Variants in APLF observed in about 807,000 individuals in gnomAD.
The protein encoded by APLF is aprataxin and PNKP like factor.
APLF carries 61 observed loss-of-function variants against 55.6 expected under a neutral mutation model. That is an observed-to-expected ratio of 1.10 (90% CI 0.89 to 1.36). The LOEUF (loss-of-function observed/expected upper bound fraction) is 1.36. Among genes scored for constraint, APLF ranks in the 40% most tolerant of loss-of-function variants. The probability of loss-of-function intolerance (pLI) is 0.00; values close to 1 mark genes in which losing one functional copy is unlikely to be tolerated. For synonymous variants in APLF, 207 were observed against 214.8 expected (o/e 0.96, Z 0.32); for missense variants, 611 against 602.5 (o/e 1.01, Z -0.15).
chr2:68,516,437 T>C (rs1669580686), intron 5 of APLF, among the ~76,000 whole-genome samples: 1 of 151,354 alleles, frequency 6.6e-6, no homozygotes, highest in African/African-American at 2.4e-5. Flanking sequence ...ATCACTATTA[T>C]ATATATATTT....
intron 5 of APLF, among the ~76,000 whole-genome samples, chr2:68,514,795 TTTATAGA>T (rs1446316637): frequency 1.3e-5 from 2 of 151,934 alleles, no homozygotes; most frequent in East Asian, 1.9e-4. Context: ...GTTCACAAAC[TTTATAGA>T]TTATAGTTAA....
intron 5 of APLF, among the ~76,000 whole-genome samples, chr2:68,525,264 C>G (rs1670003363): frequency 1.3e-5 from 2 of 151,626 alleles, no homozygotes; most frequent in African/African-American, 4.9e-5. Flanking sequence ...CCACTGCACT[C>G]CAGCCTGGGT....
chr2:68,476,352 G>A (rs903884781), intron 1 of APLF, among the ~76,000 whole-genome samples: 9 of 151,844 alleles, frequency 5.9e-5, no homozygotes, highest in African/African-American at 1.7e-4. Flanking sequence ...CTGTGGTGGT[G>A]CACACCTGTA....
chr2:68,533,190 C>T (rs1044911082), intron 6 of APLF, among the ~76,000 whole-genome samples: 2 of 152,168 alleles, frequency 1.3e-5, no homozygotes, highest in African/African-American at 2.4e-5. Context: ...AGTAAGGAGC[C>T]TCACACCAGA....
rs557811110 is a variant in APLF, at chr2:68,512,359, T to G, written c.342-721T>G. The stretch of plus-strand genomic sequence containing the variant: ...AAATGCCTTTGGGATTCATCTATAT[T>G]CTTGCACACATCAGTAGTTCATTCC... On this transcript the variant is annotated intron_variant, in intron 3 of 9. Transcript: ENST00000303795. 3.3e-5 allele frequency among the ~76,000 whole-genome samples: 5 copies of G among 151,910 alleles called. No individual in the cohort carries two copies. The Middle Eastern group carries it at 0.01, about 310-fold the overall frequency.
chr2:68,483,560 G>A (rs1185790922), intron 1 of APLF, among the ~76,000 whole-genome samples: 1 of 152,014 alleles, frequency 6.6e-6, no homozygotes, highest in African/African-American at 2.4e-5. Context: ...CACGCATTGG[G>A]CACCTCTAGT....
At chr2:68,479,958 C>T (rs938949953) in intron 1 of APLF, among the ~76,000 whole-genome samples, 8 of 152,110 alleles carry the variant, frequency 5.3e-5, no homozygotes, top group African/African-American at 1.9e-4. Flanking sequence ...CATATATTTT[C>T]TCTTCCTTAC....
At position 68,521,375 on chromosome 2, in the gene APLF, A is replaced by G. The variant is rs189698638; in HGVS notation, c.623-4686A>G. 2.0e-4 allele frequency among the ~76,000 whole-genome samples: 30 copies of G among 151,930 alleles called. No individual in the cohort carries two copies. The East Asian group carries it at 5.8e-3, about 29-fold the overall frequency. ...TTTCTCTTGTCTGATTACTCTGGCT[A>G]GGAATTCCAGTGCTATGATGAATAG... On this transcript the variant is annotated intron_variant, in intron 5 of 9. Transcript: ENST00000303795.
intron 6 of APLF, among the ~76,000 whole-genome samples, chr2:68,528,077 C>T (rs1302862022): frequency 6.6e-5 from 10 of 151,994 alleles, no homozygotes; most frequent in African/African-American, 1.9e-4. Context: ...CAAGCAGAGG[C>T]GCTCCTCACT....
intron 3 of APLF, among the ~76,000 whole-genome samples, chr2:68,507,861 T>G (rs147337511): frequency 2.0e-3 from 311 of 151,938 alleles, no homozygotes; most frequent in African/African-American, 6.9e-3. Flanking sequence ...GTAAAGTAAA[T>G]CCTTTGTTAT....
chr2:68,527,809 C>G, intron 6 of APLF, among the ~76,000 whole-genome samples: 1 of 150,372 alleles, frequency 6.7e-6, no homozygotes, highest in Middle Eastern at 3.7e-3. Context: ...CTCCTCACTG[C>G]CCAGATGGTG....
rs556782864 is a variant in APLF at position 68,495,648 on chromosome 2, C to T, written c.168+5387C>T. Among the ~76,000 whole-genome samples, 7 of 152,374 alleles carry T rather than the reference C, an allele frequency of 4.6e-5. No individual in the cohort carries two copies. In the South Asian group the frequency reaches 1.4e-3, roughly 32 times the overall value. ...AGTGGGGACTCTGTGTGGGACCTCC[C>T]ATCCCACATTTATTCTCTGCACTGC... is the stretch of plus-strand genomic sequence containing the variant. On this transcript the variant is annotated intron_variant, in intron 2 of 9. Transcript: ENST00000303795.
chr2:68,567,734 T>G (rs536402537), intron 9 of APLF, among the ~76,000 whole-genome samples: 3 of 152,234 alleles, frequency 2.0e-5, no homozygotes, highest in African/African-American at 7.2e-5. Flanking sequence ...TATATTGCTT[T>G]GGCTCATTAA....
chr2:68,543,803 CATATAA>C lies in APLF; in HGVS notation c.1161-1376_1161-1371del, dbSNP rs569292377. On this transcript the variant is annotated intron_variant, in intron 7 of 9. Coordinates refer to ENST00000303795, the MANE Select transcript of APLF (RefSeq NM_173545.3). ...GCTACATGTAACAACATGAATTAAT[CATATAA>C]ATATAAAAGGGCTGGTTCAAAGAAG... 2.8e-3 allele frequency among the ~76,000 whole-genome samples: 423 copies of C among 152,168 alleles called. 3 individuals are homozygous for C. Among genetic ancestry groups the C allele is most frequent in the Non-Finnish European group, 4.4e-3 (296 of 67,980 alleles).
intron 7 of APLF, among the ~76,000 whole-genome samples, chr2:68,539,525 T>G (rs1338692339): frequency 6.6e-6 from 1 of 152,190 alleles, no homozygotes; most frequent in Admixed American, 6.5e-5. Flanking sequence ...ATGACCTCGT[T>G]TAACCTTAAT....
intron 8 of APLF, among the ~76,000 whole-genome samples, chr2:68,555,908 T>G (rs1670995633): frequency 6.6e-6 from 1 of 152,186 alleles, no homozygotes. Context: ...CACACGCATG[T>G]TTATAGCAGC....
chr2:68,525,651 G>A (rs1373374940), intron 5 of APLF, among the ~76,000 whole-genome samples: 3 of 151,318 alleles, frequency 2.0e-5, no homozygotes, highest in Non-Finnish European at 4.4e-5. Flanking sequence ...AATGCTTACT[G>A]AGATTTGCAC....
At chr2:68,563,534 T>C (rs1671219880) in intron 8 of APLF, among the ~76,000 whole-genome samples, 2 of 152,096 alleles carry the variant, frequency 1.3e-5, no homozygotes, top group Admixed American at 1.3e-4. Flanking sequence ...TGTGATACTC[T>C]GTCTTCACTT....
chr2:68,540,800 G>A (rs1053738345), intron 7 of APLF, among the ~76,000 whole-genome samples: 7 of 149,492 alleles, frequency 4.7e-5, no homozygotes, highest in African/African-American at 1.7e-4. Context: ...GTGTGTGTAT[G>A]TGTGTAAGTT....
Sources: gnomAD v4.1 joint callset for allele counts (sites outside exome capture counted in the v4.1 genomes callset) on GRCh38, gnomAD v4.1.1 for gene constraint, MANE v1.5 for transcripts, NCBI Gene and HGNC (gene_info 2026-07-23, HGNC 2026-07-21) for gene names.